XDH: variants seen among roughly 807,000 people sequenced by gnomAD.
The protein encoded by XDH is xanthine dehydrogenase.
XDH carries 138 observed loss-of-function variants against 156.1 expected under a neutral mutation model. The ratio of observed to expected loss-of-function variants is 0.88; its 90% CI spans 0.77 to 1.02. The LOEUF (loss-of-function observed/expected upper bound fraction) is 1.02. Ranked by LOEUF, XDH falls within the 50% of genes least tolerant of loss-of-function variation. The pLI is 0.00. For synonymous variants in XDH, 669 were observed against 625.7 expected, an observed-to-expected ratio of 1.07 and a Z score of -1.03; for missense variants, 1,849 against 1,684.9, an observed-to-expected ratio of 1.10 and a Z score of -1.71.
Position 31,335,920 on chromosome 2 carries a change from A to G in XDH, c.*38T>C. On this transcript the variant is annotated 3_prime_UTR_variant, in exon 36 of 36. Transcript: ENST00000379416. ...TGTTCCTCCTGCTCCATGGAAGCCC[A>G]AAGGCAGCACAAGAAGACTCTGCTG... is the stretch of plus-strand genomic sequence containing the variant. 6.2e-7 allele frequency: 1 copy of G among 1,612,626 alleles called. No homozygotes were observed. The highest frequency in any genetic ancestry group is 8.5e-7 in the Non-Finnish European group (1 of 1,178,558).
intron 6 of XDH, among the ~76,000 whole-genome samples, chr2:31,389,091 A>G (rs1051504965): frequency 6.6e-6 from 1 of 152,182 alleles, no homozygotes; most frequent in Non-Finnish European, 1.5e-5. Context: ...CTGAGATGAA[A>G]AAGTAGGGGA....
chr2:31,404,713 T>C (rs1460975281), intron 2 of XDH, among the ~76,000 whole-genome samples: 1 of 152,142 alleles, frequency 6.6e-6, no homozygotes, highest in African/African-American at 2.4e-5. Context: ...TTCCATGCAA[T>C]CACCTGATCC....
chr2:31,406,771 T>C (rs926524384), intron 1 of XDH, among the ~76,000 whole-genome samples: 3 of 152,118 alleles, frequency 2.0e-5, no homozygotes, highest in African/African-American at 4.8e-5. Context: ...ACTTTGCCTC[T>C]TTGAGTATAC....
chr2:31,377,750 C>A (rs973953554), intron 13 of XDH, among the ~76,000 whole-genome samples: 1 of 151,650 alleles, frequency 6.6e-6, no homozygotes. Flanking sequence ...TGAAAGAACC[C>A]GGGCACAGTG....
chr2:31,383,721 C>T (rs767830317), intron 10 of XDH, 34 bp downstream of exon 10: 3 of 1,600,178 alleles, frequency 1.9e-6, no homozygotes, highest in South Asian at 2.2e-5. Context: ...AGCCTCACAG[C>T]CCCTCCATAA....
intron 3 of XDH, among the ~76,000 whole-genome samples, chr2:31,402,731 C>T (rs978133891): frequency 1.3e-5 from 2 of 152,156 alleles, no homozygotes; most frequent in African/African-American, 4.8e-5. Context: ...GCATACTGTG[C>T]AGGGCCTTGC....
chr2:31,367,124 G>T, intron 20 of XDH, 130 bp from the exon 21 acceptor site: 1 of 1,493,150 alleles, frequency 6.7e-7, no homozygotes, highest in Non-Finnish European at 9.1e-7. Context: ...TAACCTCAAG[G>T]TTTCCCACTT....
In XDH at chr2:31,339,671, C is replaced by T. The variant is rs1413188904; in HGVS notation, c.3592G>A (p.Gly1198Arg). ...AGGCCAAGGCCCTGGACAAATGCCCCTTCCACCTGCAGGATGGATGGAGAG... is the reference window on the plus strand; with the variant it reads ...AGGCCAAGGCCCTGGACAAATGCCCTTTCCACCTGCAGGATGGATGGAGAG... ...NPAIDIGQVE[G>R]AFVQGLGLFT... Residue 1198 changes from glycine to arginine, a missense_variant, in exon 34 of 36, where the codon GGG (glycine) becomes AGG (arginine). By Grantham distance (125) the Gly-to-Arg change is moderately radical. Coordinates refer to ENST00000379416, the MANE Select transcript of XDH (RefSeq NM_000379.4). The T allele has an allele frequency of 1.2e-6, 2 of 1,614,116 alleles. No individual in the cohort carries two copies. The highest frequency in any genetic ancestry group is 2.2e-5 in the East Asian group (1 of 44,866).
intron 24 of XDH, among the ~76,000 whole-genome samples, chr2:31,355,896 T>C (rs192048040): frequency 1.5e-4 from 23 of 152,278 alleles, no homozygotes; most frequent in African/African-American, 4.8e-4. Flanking sequence ...AATATAATAA[T>C]GTAGGCAAGT....
chr2:31,363,851 T>A (rs1009663959), intron 24 of XDH, among the ~76,000 whole-genome samples: 5 of 152,158 alleles, frequency 3.3e-5, no homozygotes, highest in Admixed American at 2.0e-4. Context: ...TTACTGTATA[T>A]ATATATTACT....
intron 30 of XDH, among the ~76,000 whole-genome samples, chr2:31,345,047 C>T (rs561320782): frequency 1.1e-4 from 16 of 152,294 alleles, no homozygotes; most frequent in South Asian, 2.1e-4. Flanking sequence ...GAGCTTTCCA[C>T]GGCTCCTTAT....
At chr2:31,374,704 T>C (rs907836667) in intron 15 of XDH, among the ~76,000 whole-genome samples, 2 of 152,290 alleles carry the variant, frequency 1.3e-5, no homozygotes, top group South Asian at 2.1e-4. Context: ...CCTCTCCACT[T>C]TGGGCTCCCT....
At chr2:31,389,974 G>A (rs1686720939) in intron 6 of XDH, among the ~76,000 whole-genome samples, 1 of 151,984 alleles carries the variant, frequency 6.6e-6, no homozygotes, top group African/African-American at 2.4e-5. Context: ...ATCCTCAAAA[G>A]TGGCATATTT....
intron 18 of XDH, among the ~76,000 whole-genome samples, chr2:31,369,761 T>G (rs1161583382): frequency 6.6e-6 from 1 of 152,222 alleles, no homozygotes; most frequent in Admixed American, 6.5e-5. Context: ...CTCCTTCACT[T>G]TTACATCAAT....
At chr2:31,390,515 T>G (rs1686733395) in intron 6 of XDH, among the ~76,000 whole-genome samples, 1 of 152,214 alleles carries the variant, frequency 6.6e-6, no homozygotes, top group Admixed American at 6.5e-5. Context: ...TAAATTCCTT[T>G]GAGTCAGTTC....
At position 31,378,127 on chromosome 2, in the gene XDH, G is replaced by GAAAGAAA. The variant is rs1558696722; in HGVS notation, c.1243-891_1243-890insTTTCTTT. On this transcript the variant is annotated intron_variant, in intron 13 of 35. Transcript: ENST00000379416. ...GAAAGAAAGGAAGGAAGGAAGGAAG[G>GAAAGAAA]AAGGAAGGAAGGAAGGAAGGAAGGA... Among the ~76,000 whole-genome samples, 93 of 47,960 alleles carry GAAAGAAA rather than the reference G, an allele frequency of 1.9e-3. 4 individuals carry two copies. Among genetic ancestry groups the GAAAGAAA allele is most frequent in the African/African-American group, 6.5e-3 (88 of 13,472 alleles). The allele number at this position is 47,960 out of a possible 152,430, so 31.5% of individuals were successfully genotyped here. A position where few individuals can be genotyped will look rare whatever the true frequency, so the allele number is the denominator to read the frequency against.
At chr2:31,356,952 A>G (rs1685642045) in intron 24 of XDH, among the ~76,000 whole-genome samples, 1 of 152,306 alleles carries the variant, frequency 6.6e-6, no homozygotes, top group Non-Finnish European at 1.5e-5. Context: ...TGGAATATCT[A>G]TAAACACCTG....
chr2:31,388,205 A>AG, intron 7 of XDH, 22 bp downstream of exon 7: 1 of 1,611,608 alleles, frequency 6.2e-7, no homozygotes, highest in Non-Finnish European at 8.5e-7. Flanking sequence ...CCAGGCTTCC[A>AG]GGGGGAGAAG....
At chr2:31,356,155 GAAAACTCCACAATT>G (rs1308104957) in intron 24 of XDH, among the ~76,000 whole-genome samples, 4 of 152,118 alleles carry the variant, frequency 2.6e-5, no homozygotes, top group Admixed American at 2.6e-4. Flanking sequence ...AGGAGAAATA[GAAAACTCCACAATT>G]ACAGTTGGAG....
Sources: allele counts gnomAD v4.1 joint callset (sites outside exome capture counted in the v4.1 genomes callset), GRCh38; gene constraint gnomAD v4.1.1; transcripts MANE v1.5; gene names NCBI Gene and HGNC (gene_info 2026-07-23, HGNC 2026-07-21).